Variants in ZFP91 observed in about 807,000 individuals in gnomAD.
ZFP91 encodes the protein E3 ubiquitin-protein ligase ZFP91.
In ZFP91, 7 loss-of-function variants were observed where a neutral mutation model predicts 63.5. The ratio of observed to expected loss-of-function variants is 0.11; its 90% CI spans 0.06 to 0.21. The LOEUF is 0.21. Ranked by LOEUF, ZFP91 falls within the 10% of genes least tolerant of loss-of-function variation. The pLI is 1.00. For synonymous variants in ZFP91, 330 were observed against 272.1 expected, an observed-to-expected ratio of 1.21 and a Z score of -2.10; for missense variants, 628 against 736.6, an observed-to-expected ratio of 0.85 and a Z score of 1.71.
At chr11:58,610,682 A>G (rs1855645257) in intron 4 of ZFP91, among the ~76,000 whole-genome samples, 1 of 152,226 alleles carries the variant, frequency 6.6e-6, no homozygotes, top group Non-Finnish European at 1.5e-5. Context: ...GCAGATCACC[A>G]GACAGTATTA....
At position 58,610,012 on chromosome 11, in the gene ZFP91, G is replaced by C. The variant is rs1455299954; in HGVS notation, c.553G>C (p.Glu185Gln). The C allele has an allele frequency of 6.2e-7, 1 of 1,614,184 alleles. No homozygotes were observed. The highest frequency in any genetic ancestry group is 1.1e-5 in the South Asian group (1 of 91,086). ...TGSLQLICKS[E>Q]PNTDQLDYDV... ...TTCATTGCAGCTCATTTGCAAGTCA[G>C]AACCAAATACAGACCAACTTGATTA... Residue 185 changes from glutamate (E) to glutamine (Q), a missense_variant, in exon 3 of 11, where the codon GAA (glutamate) becomes CAA (glutamine). Around this residue, in one of 3 missense-constraint regions of ZFP91, gnomAD observed 437 missense variants for 380.3 expected, o/e 1.15. Transcript: ENST00000316059.
chr11:58,582,157 G>C (rs966567311), intron 1 of ZFP91, among the ~76,000 whole-genome samples: 5 of 152,172 alleles, frequency 3.3e-5, no homozygotes, highest in African/African-American at 1.2e-4. Context: ...ATGAGACATG[G>C]CCCTCATCTT....
chr11:58,620,560 A>G lies in ZFP91; in HGVS notation c.*2854A>G, dbSNP rs1855832384. On this transcript the variant is annotated 3_prime_UTR_variant, in exon 11 of 11. Transcript: ENST00000316059. ...GAGACTCCTTGATATGCTTCAGAGA[A>G]TTTAGGCAAACACTGGCCATGGCCG... 6.6e-6 allele frequency: 1 copy of G among 152,648 alleles called. No individual in the cohort carries two copies. The highest frequency in any genetic ancestry group is 2.4e-5 in the African/African-American group (1 of 41,450). The allele number at this position is 152,648 out of a possible 1,614,324, so 9.5% of individuals were successfully genotyped here. A position where few individuals can be genotyped will look rare whatever the true frequency, so the allele number is the denominator to read the frequency against.
chr11:58,587,197 C>A (rs543967389), intron 2 of ZFP91, among the ~76,000 whole-genome samples: 13 of 152,054 alleles, frequency 8.5e-5, no homozygotes, highest in African/African-American at 3.1e-4. Context: ...CTTTTTTAAC[C>A]GTGATTGGTG....
chr11:58,591,909 C>T (rs1304387388), intron 2 of ZFP91, among the ~76,000 whole-genome samples: 2 of 152,060 alleles, frequency 1.3e-5, no homozygotes, highest in African/African-American at 4.8e-5. Flanking sequence ...GTCTCTGCTG[C>T]TGGCATATTA....
At position 58,609,965 on chromosome 11, in the gene ZFP91, G is replaced by A. The variant is rs145048070; in HGVS notation, c.506G>A (p.Arg169Gln). The change falls in exon 3 of 11, where the codon CGA becomes CAA. Residue 169 changes from arginine (R) to glutamine (Q), a missense_variant. This residue lies in a region of ZFP91 where 437 missense variants were observed against 380.3 expected (regional missense o/e 1.15). Transcript: ENST00000316059. Reference sequence around the variant, plus strand: ...CGCCATCGTGATACAGAGAACACCCGAAGCTCTCGGTCCAAGACCGGTTCA... The same window carrying A: ...CGCCATCGTGATACAGAGAACACCCAAAGCTCTCGGTCCAAGACCGGTTCA... ...VSRHRDTENT[R>Q]SSRSKTGSLQ... 151 of 1,614,186 alleles carry A rather than the reference G, an allele frequency of 9.4e-5. No homozygotes were observed. The African/African-American group carries it at 1.5e-3, about 16-fold the overall frequency.
intron 2 of ZFP91, among the ~76,000 whole-genome samples, chr11:58,596,293 G>A (rs1019509572): frequency 2.0e-5 from 3 of 152,162 alleles, no homozygotes; most frequent in Admixed American, 2.0e-4. Context: ...TATCTCAGGG[G>A]GTGACAGAGG....
rs181791831 is a variant in ZFP91, at chr11:58,608,796, G to T, written c.371-1034G>T. ...CCTTTTGTATTTTTGGTAGAGACGGGGTTTCACCACGTTGGCCAGGCTGGT... is the reference window on the plus strand; with the variant it reads ...CCTTTTGTATTTTTGGTAGAGACGGTGTTTCACCACGTTGGCCAGGCTGGT... On this transcript the variant is annotated intron_variant, in intron 2 of 10. Coordinates refer to ENST00000316059, the MANE Select transcript of ZFP91 (RefSeq NM_053023.5). Among the ~76,000 whole-genome samples the T allele has an allele frequency of 3.3e-3, 502 of 152,162 alleles. 1 individual carries two copies. Among genetic ancestry groups the T allele is most frequent in the Non-Finnish European group, 6.1e-3 (412 of 67,994 alleles).
At chr11:58,613,173 A>C (rs1367602066) in intron 8 of ZFP91, among the ~76,000 whole-genome samples, 1 of 152,178 alleles carries the variant, frequency 6.6e-6, no homozygotes, top group Non-Finnish European at 1.5e-5. Context: ...GAGACTGGGT[A>C]ATTTACAAAG....
chr11:58,616,674 G>A (rs1027164949), intron 9 of ZFP91, 42 bp from the exon 10 acceptor site: 1 of 1,532,560 alleles, frequency 6.5e-7, no homozygotes, highest in Admixed American at 1.7e-5. Context: ...AATATTTACA[G>A]GGTATCTAAA....
In ZFP91 at chr11:58,617,544, G is replaced by A; in HGVS notation, c.1551G>A (p.Lys517=). The A allele has an allele frequency of 6.8e-6, 11 of 1,613,968 alleles. No homozygotes were observed. The highest frequency in any genetic ancestry group is 9.3e-6 in the Non-Finnish European group (11 of 1,179,954). Residue 517 remains lysine, a synonymous_variant, in exon 11 of 11, where the codon AAG becomes AAA. Transcript: ENST00000316059. The surrounding 1 kb of genome is among the most constrained non-coding windows in gnomAD (Gnocchi z 4.2). ...CLLLEAEGMS[K]SYCSGTERVS... ...TGTTAGAAGCTGAAGGGATGTCAAA[G>A]TCATACTGCAGTGGGACGGAACGGG... is the stretch of plus-strand genomic sequence containing the variant.
chr11:58,602,797 CT>C (rs1855511755), intron 2 of ZFP91, among the ~76,000 whole-genome samples: 1 of 152,034 alleles, frequency 6.6e-6, no homozygotes, highest in Non-Finnish European at 1.5e-5. Flanking sequence ...GTTGGCATAG[CT>C]TTGGGATTGG....
In ZFP91 at chr11:58,617,070, T is replaced by TTGTGTGTGTGTG. The variant is rs143676081; in HGVS notation, c.1203-108_1203-97dup. The TTGTGTGTGTGTG allele has an allele frequency of 6.7e-4, 497 of 740,542 alleles. 1 individual carries two copies. Among genetic ancestry groups the TTGTGTGTGTGTG allele is most frequent in the Admixed American group, 3.1e-3 (103 of 33,278 alleles). The allele number at this position is 740,542 out of a possible 1,614,324, so 45.9% of individuals were successfully genotyped here. A position where few individuals can be genotyped will look rare whatever the true frequency, so the allele number is the denominator to read the frequency against. ...TTCAAAAGAAGTATGTTACTGATTA[T>TTGTGTGTGTGTG]TGTGTGTGTGTGTGTGTGTGTGTGT... On this transcript the variant is annotated intron_variant, in intron 10 of 10. Transcript: ENST00000316059. The surrounding 1 kb of genome is among the most constrained non-coding windows in gnomAD (Gnocchi z 4.2).
intron 2 of ZFP91, 109 bp from the exon 3 acceptor site, chr11:58,609,719 TCC>T: frequency 2.0e-6 from 2 of 980,104 alleles, no homozygotes; most frequent in Non-Finnish European, 3.0e-6. Flanking sequence ...CAGTTTTTTT[TCC>T]TTTGAAAATA....
chr11:58,594,002 A>G, intron 2 of ZFP91, among the ~76,000 whole-genome samples: 1 of 152,094 alleles, frequency 6.6e-6, no homozygotes, highest in East Asian at 1.9e-4. Flanking sequence ...GGCATATTGG[A>G]GTAGGTTTTT....
In ZFP91 at chr11:58,620,983, A is replaced by G. The variant is rs1433831657; in HGVS notation, c.*3277A>G. The G allele has an allele frequency of 2.0e-5, 3 of 152,754 alleles. No homozygotes were observed. The highest frequency in any genetic ancestry group is 2.1e-4 in the South Asian group (1 of 4,828). 9.5% of individuals were successfully genotyped at this position (152,754 alleles called of 1,614,324 possible). On this transcript the variant is annotated 3_prime_UTR_variant, in exon 11 of 11. Coordinates refer to ENST00000316059, the MANE Select transcript of ZFP91 (RefSeq NM_053023.5). ...TCAAATCTTTGTTTTCTCTTATTCT[A>G]GGTAAGGCATATTAAAAATAAATAT... is the stretch of plus-strand genomic sequence containing the variant.
chr11:58,580,852 T>C lies in ZFP91; in HGVS notation c.341+1230T>C, dbSNP rs146245131. Among the ~76,000 whole-genome samples, 320 of 152,378 alleles carry C rather than the reference T, an allele frequency of 2.1e-3. 9 individuals carry two copies. The East Asian group carries it at 0.056, about 27-fold the overall frequency. On this transcript the variant is annotated intron_variant, in intron 1 of 10. Transcript: ENST00000316059. ...CAGTTCTGTCGACAGCAAAAATCTG[T>C]ACTTACAGATTCAGCTGCAATTAGA...
chr11:58,599,911 C>T (rs757201965), intron 2 of ZFP91, among the ~76,000 whole-genome samples: 23 of 152,078 alleles, frequency 1.5e-4, no homozygotes, highest in Non-Finnish European at 2.5e-4. Context: ...TGTGGATATC[C>T]ATTTGTCTTA....
chr11:58,611,830 T>A, intron 6 of ZFP91, 92 bp downstream of exon 6: 1 of 1,399,772 alleles, frequency 7.1e-7, no homozygotes, highest in Non-Finnish European at 9.5e-7. Context: ...TGTTGACGTA[T>A]ACATGCTTCA....
Sources: allele counts gnomAD v4.1 joint callset (sites outside exome capture counted in the v4.1 genomes callset), GRCh38; gene constraint gnomAD v4.1.1; regional missense constraint gnomAD v4.1.1; non-coding constraint Gnocchi (gnomAD v3.1); transcripts MANE v1.5; gene names NCBI Gene and HGNC (gene_info 2026-07-23, HGNC 2026-07-21).